Variants in MTFR1 observed in about 807,000 individuals in gnomAD.
The protein encoded by MTFR1 is mitochondrial fission regulator 1.
In MTFR1, 28 loss-of-function variants were observed where a neutral mutation model predicts 38.8. The observed-to-expected ratio is 0.72, with a 90% CI of 0.53 to 0.99. The LOEUF is 0.99. Among genes scored for constraint, MTFR1 ranks in the 50% least tolerant of loss-of-function variants. The probability of loss-of-function intolerance (pLI) is 0.00; values close to 1 mark genes in which losing one functional copy is unlikely to be tolerated. For synonymous variants in MTFR1, 145 were observed against 137.0 expected (o/e 1.06, Z -0.41); for missense variants, 358 against 395.5 (o/e 0.91, Z 0.81).
At position 65,766,705 on chromosome 8, in the gene MTFR1, C is replaced by T. The variant is rs933057234; in HGVS notation, c.*49-4242C>T. Among the ~76,000 whole-genome samples the T allele has an allele frequency of 2.6e-5, 4 of 152,194 alleles. No homozygotes were observed. In the East Asian group the frequency reaches 7.7e-4, roughly 29 times the overall value. On this transcript the variant is annotated intron_variant, in intron 3 of 3. Transcript: ENST00000521247. ...TTTTCCTCCCAATTTGTTGGGGCTA[C>T]CCATTGCTCATTGTTATTAAGTGCC...
chr8:65,693,857 C>T (rs1805355521), intron 4 of MTFR1, 98 bp downstream of exon 4: 2 of 845,952 alleles, frequency 2.4e-6, no homozygotes, highest in Non-Finnish European at 3.9e-6. Flanking sequence ...AATTTTATCT[C>T]TAGTAATGCA....
chr8:65,673,473 G>A (rs1453215041), intron 2 of MTFR1, among the ~76,000 whole-genome samples: 11 of 151,704 alleles, frequency 7.3e-5, no homozygotes, highest in African/African-American at 2.4e-4. Context: ...CAATGCATGC[G>A]TTGTCCTGAT....
At chr8:65,650,882 G>A (rs1329499608) in intron 1 of MTFR1, among the ~76,000 whole-genome samples, 6 of 152,160 alleles carry the variant, frequency 3.9e-5, no homozygotes, top group Admixed American at 1.3e-4. Context: ...CCTCCAAACC[G>A]TTCTCTATAG....
chr8:65,692,906 T>G (rs2129056110), intron 3 of MTFR1, among the ~76,000 whole-genome samples: 1 of 150,700 alleles, frequency 6.6e-6, no homozygotes, highest in East Asian at 2.0e-4. Flanking sequence ...TTTTTTTTTT[T>G]TACCCCCGAG....
chr8:65,717,205 G>C (rs576296500), intron 2 of MTFR1, among the ~76,000 whole-genome samples: 39 of 152,240 alleles, frequency 2.6e-4, no homozygotes, highest in African/African-American at 9.1e-4. Context: ...ACACTCTTCT[G>C]TACAAATAAT....
chr8:65,695,264 G>A (rs1240705532), intron 4 of MTFR1, among the ~76,000 whole-genome samples: 3 of 152,192 alleles, frequency 2.0e-5, no homozygotes, highest in East Asian at 1.9e-4. Context: ...GGAGATTAAC[G>A]AAGGAAGAGC....
At chr8:65,768,065 A>G (rs1348600759) in intron 3 of MTFR1, among the ~76,000 whole-genome samples, 1 of 152,110 alleles carries the variant, frequency 6.6e-6, no homozygotes, top group Non-Finnish European at 1.5e-5. Context: ...GAGGACACCC[A>G]GTTGGTGTCC....
At chr8:65,666,698 A>C (rs779904913) in intron 1 of MTFR1, among the ~76,000 whole-genome samples, 2 of 152,158 alleles carry the variant, frequency 1.3e-5, no homozygotes, top group Non-Finnish European at 2.9e-5. Context: ...GTTCCTGATA[A>C]TCCCGGGTAC....
At chr8:65,758,165 C>G (rs1266263822) in intron 3 of MTFR1, among the ~76,000 whole-genome samples, 1 of 152,124 alleles carries the variant, frequency 6.6e-6, no homozygotes, top group Non-Finnish European at 1.5e-5. Context: ...TACAAAGGTT[C>G]TGAACTAGTG....
chr8:65,766,121 T>C (rs1311128809), intron 3 of MTFR1, among the ~76,000 whole-genome samples: 2 of 152,144 alleles, frequency 1.3e-5, no homozygotes, highest in African/African-American at 2.4e-5. Flanking sequence ...AATTTTTGTA[T>C]TTTTAGTAGA....
intron 2 of MTFR1, chr8:65,718,467 A>G (rs1806234902): frequency 6.6e-6 from 1 of 152,238 alleles, no homozygotes; most frequent in Non-Finnish European, 1.5e-5. Context: ...TGTGCAGGTC[A>G]AGTGTACAGT....
intron 3 of MTFR1, among the ~76,000 whole-genome samples, chr8:65,750,838 C>G (rs1049295094): frequency 5.3e-5 from 8 of 152,042 alleles, no homozygotes; most frequent in Admixed American, 3.9e-4. Flanking sequence ...TTCACAGAGC[C>G]CTGAAGTTAA....
intron 2 of MTFR1, among the ~76,000 whole-genome samples, chr8:65,680,936 C>T (rs1459995515): frequency 3.2e-5 from 4 of 126,516 alleles, no homozygotes; most frequent in Admixed American, 9.6e-5. Flanking sequence ...GACGGAGTCT[C>T]GCTCTGTCGC....
At chr8:65,682,907 A>T (rs1007866810) in intron 3 of MTFR1, 2 of 985,298 alleles carry the variant, frequency 2.0e-6, no homozygotes, top group African/African-American at 3.5e-5. Context: ...TAATTATAGG[A>T]TCCATTGCCT....
At chr8:65,751,199 C>T (rs78843427) in intron 3 of MTFR1, among the ~76,000 whole-genome samples, 5,972 of 152,246 alleles carry the variant, frequency 0.039, 171 homozygotes, top group Non-Finnish European at 0.06. Context: ...GAAAATCCCA[C>T]GAGACTTTGC....
intron 2 of MTFR1, among the ~76,000 whole-genome samples, chr8:65,677,220 C>T (rs1336051837): frequency 1.1e-4 from 17 of 151,368 alleles, no homozygotes; most frequent in Non-Finnish European, 1.5e-5. Context: ...CAGGCGTGTG[C>T]CACCACGCCT....
chr8:65,723,636 AAG>A (rs774449888), intron 3 of MTFR1: 9 of 1,505,448 alleles, frequency 6.0e-6, no homozygotes, highest in South Asian at 2.6e-5. Context: ...AAATTAAAAA[AAG>A]AGAAGTATTA....
chr8:65,653,955 T>G (rs1809188492), intron 1 of MTFR1, among the ~76,000 whole-genome samples: 1 of 150,946 alleles, frequency 6.6e-6, no homozygotes, highest in South Asian at 2.1e-4. Context: ...CCTAGCTACT[T>G]GGGAGGCTGA....
chr8:65,761,018 T>C (rs956369815), intron 3 of MTFR1, among the ~76,000 whole-genome samples: 2 of 152,124 alleles, frequency 1.3e-5, no homozygotes, highest in Non-Finnish European at 2.9e-5. Flanking sequence ...GCTCACCCTC[T>C]GGCTGTATTA....
Sources: allele counts gnomAD v4.1 joint callset (sites outside exome capture counted in the v4.1 genomes callset), GRCh38; gene constraint gnomAD v4.1.1; transcripts MANE v1.5; gene names NCBI Gene and HGNC (gene_info 2026-07-23, HGNC 2026-07-21).